The following ABCA13 variants were observed in gnomAD, a reference collection of about 807,000 sequenced individuals.
ABCA13 encodes the protein ATP-binding cassette sub-family A member 13.
Under a neutral mutation model 478.7 loss-of-function variants are expected in ABCA13, and 476 were observed. That is an observed-to-expected ratio of 0.99 (90% confidence interval 0.92 to 1.07). The LOEUF (loss-of-function observed/expected upper bound fraction) is 1.07, where lower values mean the gene tolerates loss of function less well. ABCA13 is among the 50% of genes least tolerant of loss of function. The pLI, the probability that ABCA13 is intolerant of heterozygous loss-of-function variation, is 0.00. For missense variants in ABCA13, 6,060 were observed against 5,910.6 expected, an observed-to-expected ratio of 1.03 and a Z score of -0.83; for synonymous variants, 2,252 against 2,158.9, an observed-to-expected ratio of 1.04 and a Z score of -1.20.
chr7:48,442,613 A>T (rs1823777313), intron 42 of ABCA13, among the ~76,000 whole-genome samples: 1 of 152,250 alleles, frequency 6.6e-6, no homozygotes, highest in Non-Finnish European at 1.5e-5. Context: ...TAAATCACTG[A>T]ATTAACTAGT....
chr7:48,537,039 G>A (rs1585735580), intron 55 of ABCA13, among the ~76,000 whole-genome samples: 1 of 151,796 alleles, frequency 6.6e-6, no homozygotes, highest in African/African-American at 2.4e-5. Context: ...TCCTATACCT[G>A]TGTCTGTATA....
At chr7:48,601,868 A>G (rs576073310) in intron 58 of ABCA13, among the ~76,000 whole-genome samples, 1 of 152,280 alleles carries the variant, frequency 6.6e-6, no homozygotes, top group Admixed American at 6.5e-5. Flanking sequence ...ATTTCTCCAC[A>G]TCCTCTCCAG....
chr7:48,227,582 C>T (rs996410430), intron 6 of ABCA13, among the ~76,000 whole-genome samples, 157 bp downstream of exon 6: 1 of 152,104 alleles, frequency 6.6e-6, no homozygotes, highest in African/African-American at 2.4e-5. Flanking sequence ...CACGAACGTC[C>T]CTCATCTGTC....
intron 27 of ABCA13, among the ~76,000 whole-genome samples, chr7:48,329,015 G>A (rs984161184): frequency 1.3e-5 from 2 of 152,114 alleles, no homozygotes; most frequent in African/African-American, 2.4e-5. Context: ...ATGCAAACAA[G>A]GATATTTATT....
At chr7:48,228,616 A>C (rs1032822835) in intron 6 of ABCA13, among the ~76,000 whole-genome samples, 2 of 152,144 alleles carry the variant, frequency 1.3e-5, no homozygotes, top group Non-Finnish European at 2.9e-5. Flanking sequence ...GGTTGGGGCC[A>C]GGGACAGGTG....
intron 55 of ABCA13, among the ~76,000 whole-genome samples, chr7:48,561,099 G>A (rs1170342944): frequency 6.6e-6 from 1 of 151,916 alleles, no homozygotes; most frequent in Non-Finnish European, 1.5e-5. Flanking sequence ...ATGTATGTAT[G>A]CATATATATT....
intron 55 of ABCA13, among the ~76,000 whole-genome samples, chr7:48,563,817 TGTGTGTGTGTGTGTG>T (rs1338218052): frequency 6.6e-6 from 1 of 151,454 alleles, no homozygotes; most frequent in African/African-American, 2.4e-5. Flanking sequence ...TGTGTGTGTG[TGTGTGTGTGTGTGTG>T]TGTGTGTTTT....
chr7:48,288,212 C>T (rs1355008431), intron 20 of ABCA13, 134 bp downstream of exon 20: 2 of 823,980 alleles, frequency 2.4e-6, no homozygotes, highest in Admixed American at 4.6e-5. Context: ...TTGTTGCAAG[C>T]TGGGCTTGCA....
chr7:48,306,561 C>A (rs1279605014), intron 23 of ABCA13, among the ~76,000 whole-genome samples: 2 of 152,180 alleles, frequency 1.3e-5, no homozygotes, highest in Non-Finnish European at 2.9e-5. Flanking sequence ...CTGCTCCCAA[C>A]CTCCTCCTGA....
At chr7:48,384,124 T>C (rs1814805989) in intron 35 of ABCA13, among the ~76,000 whole-genome samples, 1 of 152,238 alleles carries the variant, frequency 6.6e-6, no homozygotes. Flanking sequence ...CATTGCCTAC[T>C]ATCCTTGCTA....
intron 42 of ABCA13, among the ~76,000 whole-genome samples, chr7:48,429,364 A>G (rs1554509715): frequency 1.3e-5 from 2 of 152,226 alleles, no homozygotes; most frequent in Non-Finnish European, 2.9e-5. Flanking sequence ...ATCTAAAGTG[A>G]TCACACCTTA....
At chr7:48,326,435 C>T (rs1017479998) in intron 27 of ABCA13, among the ~76,000 whole-genome samples, 4 of 152,230 alleles carry the variant, frequency 2.6e-5, no homozygotes, top group Admixed American at 2.6e-4. Flanking sequence ...CCATAAAGCA[C>T]ATGAGTTCTT....
Position 48,642,102 on chromosome 7 carries a change from G to A in ABCA13, c.14838-1186G>A, listed in dbSNP as rs563214117. ...AAGATTAGAAACCATTAACTCGAAT[G>A]ATGGGAGGCTACTGTGGCCATGCAC... is the stretch of plus-strand genomic sequence containing the variant. On this transcript the variant is annotated intron_variant, in intron 59 of 61. Coordinates refer to ENST00000435803, the MANE Select transcript of ABCA13 (RefSeq NM_152701.5). Among the ~76,000 whole-genome samples, 4 of 152,270 alleles carry A rather than the reference G, an allele frequency of 2.6e-5. No homozygotes were observed. In the South Asian group the frequency reaches 6.2e-4, roughly 24 times the overall value.
At position 48,309,953 on chromosome 7, in the gene ABCA13, T is replaced by C; in HGVS notation, c.9328T>C (p.Phe3110Leu). The change falls in exon 24 of 62, where the codon TTC becomes CTC. Residue 3110 changes from phenylalanine to leucine, a missense_variant. Coordinates refer to ENST00000435803, the MANE Select transcript of ABCA13 (RefSeq NM_152701.5). Reference protein sequence around the residue: ...EANISHSKVLFSALTVALSGK... With the variant: ...EANISHSKVLLSALTVALSGK... ...TCTCTGTGCTTTGAAACAGGTTCTC[T>C]TCAGTGCCCTCACCGTAGCTCTGTC... 1 of 1,613,892 alleles carries C rather than the reference T, an allele frequency of 6.2e-7. No individual in the cohort carries two copies. Among genetic ancestry groups the C allele is most frequent in the Middle Eastern group, 1.7e-4 (1 of 6,058 alleles).
At chr7:48,213,242 C>T (rs1190134283) in intron 3 of ABCA13, among the ~76,000 whole-genome samples, 2 of 152,080 alleles carry the variant, frequency 1.3e-5, no homozygotes, top group Non-Finnish European at 2.9e-5. Context: ...GTATGAAGGG[C>T]TGTTTTTGGA....
intron 8 of ABCA13, 103 bp downstream of exon 8, chr7:48,234,254 C>A: frequency 6.5e-7 from 1 of 1,540,460 alleles, no homozygotes; most frequent in Non-Finnish European, 8.9e-7. Flanking sequence ...GGAGAGGCAG[C>A]CAGACAGGAG....
chr7:48,235,346 C>T (rs1056081916), intron 8 of ABCA13, among the ~76,000 whole-genome samples: 11 of 152,094 alleles, frequency 7.2e-5, no homozygotes, highest in Non-Finnish European at 1.3e-4. Flanking sequence ...TCTTTATAAC[C>T]CCGTTTTCTC....
chr7:48,542,403 A>C (rs1833999991), intron 55 of ABCA13, among the ~76,000 whole-genome samples: 1 of 151,762 alleles, frequency 6.6e-6, no homozygotes, highest in Non-Finnish European at 1.5e-5. Context: ...TCTGGAATTT[A>C]AGTTCCTGCT....
rs375095559 is a variant in ABCA13, at chr7:48,239,293, C to T, written c.950C>T (p.Thr317Ile). 5.9e-5 allele frequency: 96 copies of T among 1,613,858 alleles called. No individual in the cohort carries two copies. The highest frequency in any genetic ancestry group is 7.8e-5 in the Non-Finnish European group (92 of 1,179,872). The change falls in exon 9 of 62, where the codon ACA (threonine) becomes ATA (isoleucine). Residue 317 changes from threonine to isoleucine, a missense_variant. Around this residue, in one of 3 missense-constraint regions of ABCA13, gnomAD observed 4,423 missense variants for 4,309.1 expected, o/e 1.03. Coordinates refer to ENST00000435803, the MANE Select transcript of ABCA13 (RefSeq NM_152701.5). ...EKMVCSVLSS[T>I]SEDEAEKWGH... ...ATGGTGTGTTCAGTCTTGTCTAGCA[C>T]ATCAGAGGATGAAGCTGAGAAATGG...
Sources: gnomAD v4.1 joint callset for allele counts (sites outside exome capture counted in the v4.1 genomes callset) on GRCh38, gnomAD v4.1.1 for gene constraint, gnomAD v4.1.1 regional missense constraint, MANE v1.5 for transcripts, NCBI Gene and HGNC (gene_info 2026-07-23, HGNC 2026-07-21) for gene names.